Variants in INPP4B observed in about 807,000 individuals in gnomAD.
The protein encoded by INPP4B is inositol polyphosphate 4-phosphatase type II.
Under a neutral mutation model 122.5 loss-of-function variants are expected in INPP4B, and 55 were observed. The observed-to-expected ratio is 0.45, with a 90% CI of 0.36 to 0.56. The LOEUF (loss-of-function observed/expected upper bound fraction) is 0.56, where lower values mean the gene tolerates loss of function less well. Among genes scored for constraint, INPP4B ranks in the 20% least tolerant of loss-of-function variants. The pLI is 0.00. For missense variants in INPP4B, 1,000 were observed against 1,097.7 expected (o/e 0.91, Z 1.26); for synonymous variants, 403 against 388.7 (o/e 1.04, Z -0.43).
intron 23 of INPP4B, among the ~76,000 whole-genome samples, chr4:142,090,869 G>A (rs1779210960): frequency 6.6e-6 from 1 of 151,842 alleles, no homozygotes; most frequent in Non-Finnish European, 1.5e-5. Context: ...AAGTAAAAAG[G>A]ATACACAAAT....
intron 2 of INPP4B, among the ~76,000 whole-genome samples, chr4:142,497,282 T>G (rs1368241301): frequency 6.6e-6 from 1 of 152,084 alleles, no homozygotes; most frequent in Admixed American, 6.6e-5. Flanking sequence ...CTCACGAAAA[T>G]TATTAGAATA....
At chr4:142,545,890 T>C (rs1307706372) in intron 2 of INPP4B, among the ~76,000 whole-genome samples, 1 of 151,292 alleles carries the variant, frequency 6.6e-6, no homozygotes, top group Non-Finnish European at 1.5e-5. Flanking sequence ...AAAACATGAC[T>C]GGGACATTCA....
chr4:142,553,918 C>T (rs780107780), intron 2 of INPP4B, among the ~76,000 whole-genome samples: 16 of 152,114 alleles, frequency 1.1e-4, no homozygotes, highest in Non-Finnish European at 1.8e-4. Flanking sequence ...TGGCTGGGAG[C>T]GGTGGCTCAC....
intron 7 of INPP4B, among the ~76,000 whole-genome samples, chr4:142,333,739 G>T (rs1381667933): frequency 6.6e-6 from 1 of 151,698 alleles, no homozygotes; most frequent in East Asian, 1.9e-4. Context: ...GCTTTATTGA[G>T]GTATAATTGA....
chr4:142,597,916 A>G (rs1397399379), intron 2 of INPP4B, among the ~76,000 whole-genome samples: 1 of 152,208 alleles, frequency 6.6e-6, no homozygotes, highest in Non-Finnish European at 1.5e-5. Flanking sequence ...ATTCTAGTAT[A>G]AAAAACAAAA....
chr4:142,066,539 G>A (rs531291300), intron 25 of INPP4B, among the ~76,000 whole-genome samples: 3 of 152,292 alleles, frequency 2.0e-5, no homozygotes. Context: ...GCTGATGCTG[G>A]AATTACTCTT....
At chr4:142,728,408 T>C (rs1765608395) in intron 1 of INPP4B, among the ~76,000 whole-genome samples, 1 of 152,134 alleles carries the variant, frequency 6.6e-6, no homozygotes, top group Non-Finnish European at 1.5e-5. Flanking sequence ...CTGTTGTGGG[T>C]TAAATTATGT....
intron 2 of INPP4B, among the ~76,000 whole-genome samples, chr4:142,611,545 GT>G (rs1742504019): frequency 7.0e-6 from 1 of 143,548 alleles, no homozygotes; most frequent in Non-Finnish European, 1.5e-5. Flanking sequence ...TTATTTTTTC[GT>G]TTGTAAAAAA....
intron 2 of INPP4B, among the ~76,000 whole-genome samples, chr4:142,704,920 G>C (rs1414412870): frequency 2.0e-5 from 3 of 152,154 alleles, no homozygotes; most frequent in African/African-American, 7.2e-5. Context: ...TCCCTGATTA[G>C]TGCCCGCTTA....
intron 2 of INPP4B, among the ~76,000 whole-genome samples, chr4:142,650,522 A>T (rs1004990601): frequency 6.6e-6 from 1 of 151,942 alleles, no homozygotes; most frequent in African/African-American, 2.4e-5. Flanking sequence ...ATAAAGGAAG[A>T]TCTACCTTCA....
At chr4:142,829,315 A>G (rs1347889444) in intron 1 of INPP4B, among the ~76,000 whole-genome samples, 1 of 151,998 alleles carries the variant, frequency 6.6e-6, no homozygotes, top group Non-Finnish European at 1.5e-5. Flanking sequence ...CTTCTGACGG[A>G]CTTTAGCCAA....
intron 15 of INPP4B, among the ~76,000 whole-genome samples, chr4:142,188,230 G>A (rs1834011464): frequency 6.6e-6 from 1 of 151,782 alleles, no homozygotes; most frequent in Admixed American, 6.6e-5. Context: ...GCTCATGCCT[G>A]TAATCCCAAC....
At chr4:142,622,323 C>T (rs1745131172) in intron 2 of INPP4B, among the ~76,000 whole-genome samples, 2 of 150,392 alleles carry the variant, frequency 1.3e-5, no homozygotes, top group African/African-American at 4.9e-5. Flanking sequence ...GTAAAAGCTT[C>T]CATTAAAAAA....
intron 7 of INPP4B, among the ~76,000 whole-genome samples, chr4:142,330,830 T>G (rs1774186705): frequency 6.6e-6 from 1 of 152,172 alleles, no homozygotes; most frequent in Non-Finnish European, 1.5e-5. Context: ...GCCTCGGGGC[T>G]TAAAGAAGTG....
intron 9 of INPP4B, among the ~76,000 whole-genome samples, chr4:142,289,534 C>T (rs1179985202): frequency 6.6e-6 from 1 of 152,186 alleles, no homozygotes; most frequent in Non-Finnish European, 1.5e-5. Context: ...CTCCCTCTTC[C>T]CAGCCCCCAG....
At chr4:142,335,321 G>A (rs1776231310) in intron 7 of INPP4B, among the ~76,000 whole-genome samples, 1 of 152,012 alleles carries the variant, frequency 6.6e-6, no homozygotes, top group African/African-American at 2.4e-5. Flanking sequence ...TTGGGGTGGA[G>A]GATGCTTTTC....
At chr4:142,253,876 C>A (rs1240012199) in intron 11 of INPP4B, among the ~76,000 whole-genome samples, 1 of 152,162 alleles carries the variant, frequency 6.6e-6, no homozygotes, top group Non-Finnish European at 1.5e-5. Context: ...GCCTGCCTGC[C>A]TCTGTAGGCT....
At chr4:142,432,920 C>T (rs758642770) in intron 3 of INPP4B, among the ~76,000 whole-genome samples, 17 of 152,018 alleles carry the variant, frequency 1.1e-4, no homozygotes, top group Non-Finnish European at 2.1e-4. Flanking sequence ...GGTATATGTG[C>T]ACTTGTATAA....
rs1169658504 is a variant in INPP4B, at chr4:142,086,144, C to T, written c.2487G>A (p.Thr829=). ...TAAGATTTGACATGAGAGTGCTTAC[C>T]GTTGCAGCCAGCCACATAATTTCTA... is the stretch of plus-strand genomic sequence containing the variant. ...KNVEIMWLAA[T]ICRKLNGIRF... Residue 829 remains threonine, a splice_region_variant and synonymous_variant, in exon 24 of 26, where the codon ACG becomes ACA. Coordinates refer to ENST00000262992, the MANE Select transcript of INPP4B (RefSeq NM_001101669.3). 3 of 1,552,976 alleles carry T rather than the reference C, an allele frequency of 1.9e-6. No individual in the cohort carries two copies. Among genetic ancestry groups the T allele is most frequent in the Middle Eastern group, 1.7e-4 (1 of 5,950 alleles).
Sources: gnomAD v4.1 joint callset for allele counts (sites outside exome capture counted in the v4.1 genomes callset) on GRCh38, gnomAD v4.1.1 for gene constraint, MANE v1.5 for transcripts, NCBI Gene and HGNC (gene_info 2026-07-23, HGNC 2026-07-21) for gene names.